The following FBXO16 variants were observed in gnomAD, a reference collection of about 807,000 sequenced individuals.
FBXO16 encodes F-box only protein 16.
FBXO16 carries 31 observed loss-of-function variants against 41.0 expected under a neutral mutation model. The ratio of observed to expected loss-of-function variants is 0.76; its 90% CI spans 0.57 to 1.02. FBXO16 has a LOEUF of 1.02. FBXO16 is among the 50% of genes least tolerant of loss of function. The pLI is 0.00. For synonymous variants in FBXO16, 133 were observed against 117.8 expected, an observed-to-expected ratio of 1.13 and a Z score of -0.84; for missense variants, 361 against 346.2, an observed-to-expected ratio of 1.04 and a Z score of -0.34.
intron 7 of FBXO16, among the ~76,000 whole-genome samples, chr8:28,443,722 G>A (rs894739009): frequency 5.3e-5 from 8 of 152,104 alleles, no homozygotes; most frequent in East Asian, 1.9e-4. Flanking sequence ...AGGTCAGCAC[G>A]AGATACAGGT....
chr8:28,473,705 A>G, intron 3 of FBXO16, 67 bp downstream of exon 3: 12 of 1,374,858 alleles, frequency 8.7e-6, no homozygotes, highest in Non-Finnish European at 1.2e-5. Flanking sequence ...TGATTTTTTA[A>G]TAGCAGCCTG....
chr8:28,468,739 C>CG, intron 3 of FBXO16, among the ~76,000 whole-genome samples: 1 of 151,086 alleles, frequency 6.6e-6, no homozygotes, highest in Non-Finnish European at 1.5e-5. Flanking sequence ...TCCCAGCTAC[C>CG]GGGGAGGCTG....
At chr8:28,469,810 T>G (rs1011725990) in intron 3 of FBXO16, among the ~76,000 whole-genome samples, 4 of 150,974 alleles carry the variant, frequency 2.6e-5, no homozygotes, top group Non-Finnish European at 4.4e-5. Context: ...CTGAGGTAGG[T>G]GAATCTCTTG....
chr8:28,460,341 C>T (rs1247124137), intron 4 of FBXO16, among the ~76,000 whole-genome samples: 2 of 121,440 alleles, frequency 1.6e-5, no homozygotes, highest in Non-Finnish European at 3.3e-5. Context: ...CTTCAACCCC[C>T]CAGCCTTAAG....
chr8:28,441,736 C>CAAA (rs1177604301), intron 7 of FBXO16, among the ~76,000 whole-genome samples: 1,883 of 84,474 alleles, frequency 0.022, 54 homozygotes, highest in African/African-American at 0.082. Context: ...AACTCCGTCT[C>CAAA]AAAAAAAAAA....
intron 2 of FBXO16, among the ~76,000 whole-genome samples, chr8:28,480,819 T>C (rs2130196960): frequency 6.6e-6 from 1 of 152,184 alleles, no homozygotes; most frequent in South Asian, 2.1e-4. Context: ...CTCCATTTCT[T>C]ATGCTTCAGG....
At chr8:28,454,966 A>G (rs1390556060) in intron 5 of FBXO16, among the ~76,000 whole-genome samples, 1 of 148,828 alleles carries the variant, frequency 6.7e-6, no homozygotes, top group East Asian at 1.9e-4. Context: ...TTCTCTCTTT[A>G]AAAAAAATAT....
intron 6 of FBXO16, 63 bp from the exon 7 acceptor site, chr8:28,447,336 T>G (rs192598873): frequency 1.5e-5 from 21 of 1,369,910 alleles, no homozygotes; most frequent in Non-Finnish European, 2.1e-5. Context: ...GTGGTTTGCA[T>G]AGCTATTTGT....
At chr8:28,472,390 T>G (rs908272320) in intron 3 of FBXO16, among the ~76,000 whole-genome samples, 2 of 152,186 alleles carry the variant, frequency 1.3e-5, no homozygotes, top group African/African-American at 4.8e-5. Flanking sequence ...TGTGAGCCAT[T>G]GCACCTGACC....
intron 7 of FBXO16, among the ~76,000 whole-genome samples, chr8:28,443,582 G>A (rs1212372825): frequency 6.6e-6 from 1 of 152,074 alleles, no homozygotes; most frequent in Admixed American, 6.6e-5. Context: ...AATGATGGGG[G>A]AACTTTCTGT....
At chr8:28,464,992 A>G (rs947094303) in intron 3 of FBXO16, among the ~76,000 whole-genome samples, 10 of 152,202 alleles carry the variant, frequency 6.6e-5, no homozygotes, top group African/African-American at 2.4e-4. Context: ...TATTTTAGTC[A>G]TAATCATAAA....
intron 1 of FBXO16, among the ~76,000 whole-genome samples, chr8:28,484,678 G>A (rs1231446293): frequency 2.6e-5 from 4 of 152,152 alleles, no homozygotes; most frequent in Admixed American, 1.3e-4. Flanking sequence ...TGCAAGCTCC[G>A]CCTTCCGGGT....
At chr8:28,455,163 C>T (rs868612342) in intron 5 of FBXO16, among the ~76,000 whole-genome samples, 9 of 151,926 alleles carry the variant, frequency 5.9e-5, no homozygotes, top group African/African-American at 2.2e-4. Context: ...GCAACCTCCA[C>T]CTCCTGGGTT....
intron 4 of FBXO16, among the ~76,000 whole-genome samples, chr8:28,457,483 A>G (rs909895099): frequency 2.6e-5 from 4 of 152,128 alleles, no homozygotes; most frequent in African/African-American, 9.7e-5. Flanking sequence ...GTGGCTGGGG[A>G]GGCCTCACAA....
chr8:28,473,788 G>T lies in FBXO16; in HGVS notation c.119C>A (p.Ala40Asp). The T allele has an allele frequency of 6.2e-7, 1 of 1,603,746 alleles. No individual in the cohort carries two copies. The highest frequency in any genetic ancestry group is 8.5e-7 in the Non-Finnish European group (1 of 1,173,062). Residue 40 changes from alanine (A) to aspartate (D), a missense_variant, in exon 3 of 9, where the codon GCC becomes GAC. Transcript: ENST00000380254. Reference sequence around the variant, plus strand: ...AATGTTTACCCATTTGCCAAGCAGGGCTCTTCTTTCTTCAAATACCTACAG... The same window carrying T: ...AATGTTTACCCATTTGCCAAGCAGGTCTCTTCTTTCTTCAAATACCTACAG... ...LNDRVFEERR[A>D]LLGKWFDKWT...
intron 3 of FBXO16, chr8:28,465,547 G>A: frequency 3.2e-6 from 1 of 314,674 alleles, no homozygotes; most frequent in Non-Finnish European, 6.6e-6. Flanking sequence ...CCCAGGTGGT[G>A]GAGGCTGCAG....
Position 28,447,265 on chromosome 8 carries a change from T to C in FBXO16, c.749A>G (p.Lys250Arg), listed in dbSNP as rs767203849. 5.0e-5 allele frequency: 81 copies of C among 1,612,036 alleles called. No individual in the cohort carries two copies. The highest frequency in any genetic ancestry group is 4.8e-5 in the Non-Finnish European group (57 of 1,179,596). ...PMETVQQGRR[K>R]RNQMTPDFSR... ...GAAGTCTGGGGTCATTTGGTTTCTT[T>C]TTCTTCTTCTGTAAATTGGAAAGCA... Residue 250 changes from lysine (K) to arginine (R), a missense_variant, in exon 7 of 9, where the codon AAA becomes AGA. By Grantham distance (26) the Lys-to-Arg change is conservative (BLOSUM62 2). Coordinates refer to ENST00000380254, the MANE Select transcript of FBXO16 (RefSeq NM_172366.4).
In FBXO16 at chr8:28,463,774, G is replaced by C; in HGVS notation, c.180C>G (p.Gly60=). Residue 60 remains glycine, a synonymous_variant, in exon 4 of 9, where the codon GGC becomes GGG. Coordinates refer to ENST00000380254, the MANE Select transcript of FBXO16 (RefSeq NM_172366.4). ...TDSQRRRILT[G]LLERCSLSQQ... is the part of the protein sequence containing the mutation. ...GGGACAGCGAGCAGCGCTCCAACAG[G>C]CCTGTGAGGATTCTTCTTCTTTGAG... The C allele has an allele frequency of 6.2e-7, 1 of 1,614,068 alleles. No individual in the cohort carries two copies. The highest frequency in any genetic ancestry group is 1.3e-5 in the African/African-American group (1 of 75,048).
chr8:28,440,355 C>T (rs183575544), intron 7 of FBXO16, among the ~76,000 whole-genome samples: 21 of 152,244 alleles, frequency 1.4e-4, no homozygotes, highest in Admixed American at 2.0e-4. Context: ...CCTTCCACCT[C>T]GGCCTCCTCC....
Sources: allele counts gnomAD v4.1 joint callset (sites outside exome capture counted in the v4.1 genomes callset), GRCh38; gene constraint gnomAD v4.1.1; transcripts MANE v1.5; gene names NCBI Gene and HGNC (gene_info 2026-07-23, HGNC 2026-07-21).